MRPL1: variants seen among roughly 807,000 people sequenced by gnomAD.
MRPL1 encodes the protein mitochondrial ribosomal protein L1, also known as large ribosomal subunit protein uL1m.
In MRPL1, 28 loss-of-function variants were observed where a neutral mutation model predicts 38.0. The observed-to-expected ratio is 0.74, with a 90% CI of 0.55 to 1.01. The LOEUF (loss-of-function observed/expected upper bound fraction) is 1.01, where lower values mean the gene tolerates loss of function less well. Among genes scored for constraint, MRPL1 ranks in the 50% least tolerant of loss-of-function variants. The pLI is 0.00. For synonymous variants in MRPL1, 123 were observed against 126.7 expected, an observed-to-expected ratio of 0.97 and a Z score of 0.20; for missense variants, 358 against 389.8, an observed-to-expected ratio of 0.92 and a Z score of 0.69.
intron 7 of MRPL1, among the ~76,000 whole-genome samples, chr4:77,933,090 C>T (rs183404537): frequency 4.6e-5 from 7 of 152,262 alleles, no homozygotes; most frequent in Non-Finnish European, 7.4e-5. Context: ...GTTAGGACTA[C>T]ATGCGCTCCA....
At chr4:77,936,543 C>T (rs1422615085) in intron 7 of MRPL1, among the ~76,000 whole-genome samples, 1 of 152,164 alleles carries the variant, frequency 6.6e-6, no homozygotes, top group Non-Finnish European at 1.5e-5. Context: ...ATCCAGCTCT[C>T]CACCTGTTTT....
chr4:77,884,123 C>T (rs1735617790), intron 3 of MRPL1, among the ~76,000 whole-genome samples: 1 of 151,796 alleles, frequency 6.6e-6, no homozygotes, highest in African/African-American at 2.4e-5. Flanking sequence ...ATTTAAACTG[C>T]CTAGGTGGCA....
intron 7 of MRPL1, among the ~76,000 whole-genome samples, chr4:77,926,612 C>CTTTT (rs113752899): frequency 7.4e-6 from 1 of 134,950 alleles, no homozygotes; most frequent in African/African-American, 2.9e-5. Context: ...TTCTTTTTTA[C>CTTTT]TTTTTTTTTT....
chr4:77,891,326 AC>A (rs1438737455), intron 5 of MRPL1, among the ~76,000 whole-genome samples: 1 of 144,334 alleles, frequency 6.9e-6, no homozygotes, highest in Non-Finnish European at 1.5e-5. Context: ...TGTCATAGCC[AC>A]TCCTTTGGTT....
At chr4:77,901,615 A>G (rs1444261203) in intron 6 of MRPL1, among the ~76,000 whole-genome samples, 1 of 152,174 alleles carries the variant, frequency 6.6e-6, no homozygotes, top group African/African-American at 2.4e-5. Flanking sequence ...ATCAGACAAA[A>G]TAGACTTTTA....
intron 2 of MRPL1, among the ~76,000 whole-genome samples, chr4:77,877,897 A>G (rs1356728780): frequency 1.4e-5 from 2 of 144,004 alleles, no homozygotes; most frequent in African/African-American, 5.1e-5. Context: ...TGTGCCTGCA[A>G]CTGGCTGGGG....
chr4:77,949,712 G>T (rs1426377657), intron 7 of MRPL1, 85 bp from the exon 8 acceptor site: 2 of 920,394 alleles, frequency 2.2e-6, no homozygotes, highest in South Asian at 1.7e-5. Context: ...ATTTGCATTG[G>T]TTGACTATTT....
chr4:77,882,294 T>G (rs368634587), intron 2 of MRPL1, among the ~76,000 whole-genome samples: 56 of 152,366 alleles, frequency 3.7e-4, no homozygotes, highest in African/African-American at 1.3e-3. Context: ...TGGCTAACTC[T>G]ATTATTTTTT....
At chr4:77,904,691 A>G (rs1454912166) in intron 6 of MRPL1, among the ~76,000 whole-genome samples, 2 of 152,246 alleles carry the variant, frequency 1.3e-5, no homozygotes, top group Non-Finnish European at 2.9e-5. Flanking sequence ...AAGATAGATC[A>G]GACACTGAGG....
At position 77,905,693 on chromosome 4, in the gene MRPL1, ACCTTTTTTCTAGTT is replaced by A. The variant is rs959663189; in HGVS notation, c.671-3561_671-3548del. 3.9e-5 allele frequency among the ~76,000 whole-genome samples: 6 copies of A among 152,046 alleles called. No individual in the cohort carries two copies. The South Asian group carries it at 1.0e-3, about 26-fold the overall frequency. ...CTAAAATCTACATCATCAATCTATCACCTTTTTTCTAGTTCCTTTTTTCTAACTATACAGATATA... is the reference window on the plus strand; with the variant it reads ...CTAAAATCTACATCATCAATCTATCACCTTTTTTCTAACTATACAGATATA... On this transcript the variant is annotated intron_variant, in intron 6 of 8. Coordinates refer to ENST00000315567, the MANE Select transcript of MRPL1 (RefSeq NM_020236.4).
At chr4:77,890,466 A>G (rs1178945454) in intron 5 of MRPL1, among the ~76,000 whole-genome samples, 1 of 152,214 alleles carries the variant, frequency 6.6e-6, no homozygotes, top group Non-Finnish European at 1.5e-5. Context: ...TCAATAAACT[A>G]GGTATTGATG....
chr4:77,952,674 A>C lies in MRPL1; in HGVS notation c.*67A>C. The C allele has an allele frequency of 1.0e-6, 1 of 958,174 alleles. No homozygotes were observed. Among genetic ancestry groups the C allele is most frequent in the South Asian group, 1.5e-5 (1 of 66,788 alleles). The allele number at this position is 958,174 out of a possible 1,614,324, so 59.4% of individuals were successfully genotyped here. Reference sequence around the variant, plus strand: ...AATGGAGAAAATGATAATACAGCATAATTTTTACATTTGATGTCTTGTTAT... The same window carrying C: ...AATGGAGAAAATGATAATACAGCATCATTTTTACATTTGATGTCTTGTTAT... On this transcript the variant is annotated 3_prime_UTR_variant, in exon 9 of 9. Transcript: ENST00000315567.
At chr4:77,921,690 A>G (rs779260188) in intron 7 of MRPL1, among the ~76,000 whole-genome samples, 1 of 152,228 alleles carries the variant, frequency 6.6e-6, no homozygotes, top group East Asian at 1.9e-4. Flanking sequence ...TACATATTTT[A>G]CTGACAATAC....
rs34937602 is a variant in MRPL1 at position 77,919,849 on chromosome 4, A to ATATATG, written c.777+10478_777+10479insATATGT. 7.2e-4 allele frequency among the ~76,000 whole-genome samples: 107 copies of ATATATG among 149,464 alleles called. 1 individual carries two copies. The Middle Eastern group carries it at 0.014, about 19-fold the overall frequency. On this transcript the variant is annotated intron_variant, in intron 7 of 8. Coordinates refer to ENST00000315567, the MANE Select transcript of MRPL1 (RefSeq NM_020236.4). The stretch of plus-strand genomic sequence containing the variant: ...TCAGATCCATGTTATATATATATAT[A>ATATATG]TGTGTGTGTGTGTGTGTGTTTTCTA...
intron 7 of MRPL1, among the ~76,000 whole-genome samples, chr4:77,947,993 G>C (rs561898204): frequency 3.9e-5 from 6 of 151,966 alleles, no homozygotes; most frequent in African/African-American, 1.4e-4. Flanking sequence ...AAAGTTGCAG[G>C]GAACATAATT....
rs4561950 is a variant in MRPL1, at chr4:77,921,127, G to T, written c.777+11755G>T. 3.0e-4 allele frequency among the ~76,000 whole-genome samples: 46 copies of T among 151,924 alleles called. 1 individual carries two copies. The highest frequency in any genetic ancestry group is 6.2e-4 in the South Asian group (3 of 4,834). ...CTAGTAAAAGTTAAAAAACTTTTCA[G>T]TGGTTCTACATGTGCTGGCATCTCC... On this transcript the variant is annotated intron_variant, in intron 7 of 8. Transcript: ENST00000315567.
At chr4:77,878,100 C>T (rs963347252) in intron 2 of MRPL1, among the ~76,000 whole-genome samples, 1 of 152,152 alleles carries the variant, frequency 6.6e-6, no homozygotes, top group Non-Finnish European at 1.5e-5. Flanking sequence ...TTGCCTTTCT[C>T]TCGTGCTCTG....
At chr4:77,902,349 T>A (rs1308030147) in intron 6 of MRPL1, among the ~76,000 whole-genome samples, 1 of 145,518 alleles carries the variant, frequency 6.9e-6, no homozygotes, top group African/African-American at 2.6e-5. Context: ...ATAGCCACTG[T>A]ACTCTAGCCA....
chr4:77,906,033 T>G (rs2110246556), intron 6 of MRPL1, among the ~76,000 whole-genome samples: 1 of 152,278 alleles, frequency 6.6e-6, no homozygotes, highest in African/African-American at 2.4e-5. Context: ...TAGATGGTAT[T>G]TAAAGCCATG....
Sources: allele counts gnomAD v4.1 joint callset (sites outside exome capture counted in the v4.1 genomes callset), GRCh38; gene constraint gnomAD v4.1.1; transcripts MANE v1.5; gene names NCBI Gene and HGNC (gene_info 2026-07-23, HGNC 2026-07-21).